RTN1: variants seen among roughly 807,000 people sequenced by gnomAD.
RTN1 encodes the protein reticulon-1.
A neutral mutation model predicts 65.5 loss-of-function variants in RTN1; 25 were observed. That is an observed-to-expected ratio of 0.38 (90% CI 0.28 to 0.53). The LOEUF (loss-of-function observed/expected upper bound fraction) is 0.53. Among genes scored for constraint, RTN1 ranks in the 20% least tolerant of loss-of-function variants. The pLI, the probability that RTN1 is intolerant of heterozygous loss-of-function variation, is 0.79. For synonymous variants in RTN1, 471 were observed against 447.6 expected, an observed-to-expected ratio of 1.05 and a Z score of -0.66; for missense variants, 983 against 1,025.4, an observed-to-expected ratio of 0.96 and a Z score of 0.57.
rs1369489992 is a variant in RTN1 at position 59,836,030 on chromosome 14, C to A, written c.241+34360G>T. 6.6e-6 allele frequency among the ~76,000 whole-genome samples: 1 copy of A among 152,138 alleles called. No homozygotes were observed. Among genetic ancestry groups the A allele is most frequent in the East Asian group, 1.9e-4 (1 of 5,192 alleles). On this transcript the variant is annotated intron_variant, in intron 1 of 8. Coordinates refer to ENST00000267484, the MANE Select transcript of RTN1 (RefSeq NM_021136.3). The surrounding 1 kb of genome is among the most constrained non-coding windows in gnomAD (Gnocchi z 4.9). ...GGTCCTTGGCTCTATTCTTCCCTCCCATCACTTCAATTCTGATTCCATCAT... is the reference window on the plus strand; with the variant it reads ...GGTCCTTGGCTCTATTCTTCCCTCCAATCACTTCAATTCTGATTCCATCAT...
chr14:59,674,678 CAT>C, intron 3 of RTN1, among the ~76,000 whole-genome samples: 1 of 152,168 alleles, frequency 6.6e-6, no homozygotes, highest in Middle Eastern at 3.4e-3. Flanking sequence ...TGTTATTCAA[CAT>C]ATTGAAAGAT....
intron 3 of RTN1, among the ~76,000 whole-genome samples, chr14:59,615,389 C>G (rs1020762946): frequency 6.6e-6 from 1 of 151,960 alleles, no homozygotes; most frequent in African/African-American, 2.4e-5. Context: ...GTGGAGGTTG[C>G]GATGAACAGA....
At chr14:59,654,845 A>G (rs1566674018) in intron 3 of RTN1, among the ~76,000 whole-genome samples, 1 of 152,220 alleles carries the variant, frequency 6.6e-6, no homozygotes, top group Non-Finnish European at 1.5e-5. Context: ...AAAAACACTC[A>G]TGGCAATTAT....
chr14:59,742,742 T>C (rs1345406130), intron 2 of RTN1, among the ~76,000 whole-genome samples: 1 of 152,196 alleles, frequency 6.6e-6, no homozygotes, highest in East Asian at 1.9e-4. Context: ...TGTAGAATTA[T>C]GTGCAGTTCT....
chr14:59,722,462 G>A (rs930592158), intron 3 of RTN1, among the ~76,000 whole-genome samples: 3 of 152,154 alleles, frequency 2.0e-5, no homozygotes, highest in Non-Finnish European at 4.4e-5. Flanking sequence ...AGAGGAACTG[G>A]AAGGGTGGTA....
At chr14:59,866,756 AAAAG>A (rs1393978059) in intron 1 of RTN1, among the ~76,000 whole-genome samples, 1 of 152,164 alleles carries the variant, frequency 6.6e-6, no homozygotes, top group Non-Finnish European at 1.5e-5. Flanking sequence ...TAGCTTTCTC[AAAAG>A]AAAGAAGATG....
chr14:59,726,888 T>C, intron 3 of RTN1, 31 bp downstream of exon 3: 1 of 1,580,560 alleles, frequency 6.3e-7, no homozygotes, highest in Non-Finnish European at 8.6e-7. Context: ...GGGAGGACAC[T>C]AACCAAGCAT....
At chr14:59,646,495 C>A (rs1411239556) in intron 3 of RTN1, among the ~76,000 whole-genome samples, 1 of 152,084 alleles carries the variant, frequency 6.6e-6, no homozygotes, top group Non-Finnish European at 1.5e-5. Flanking sequence ...AATATCATCA[C>A]CAAGATACAC....
chr14:59,642,341 G>A (rs1358743174), intron 3 of RTN1, among the ~76,000 whole-genome samples: 1 of 152,054 alleles, frequency 6.6e-6, no homozygotes, highest in Non-Finnish European at 1.5e-5. Context: ...TCTTAAATCT[G>A]TGGATTGATG....
chr14:59,754,351 A>G (rs1365685697), intron 1 of RTN1, among the ~76,000 whole-genome samples: 1 of 152,216 alleles, frequency 6.6e-6, no homozygotes, highest in African/African-American at 2.4e-5. Context: ...TAGGATGACA[A>G]CGATGACTTG....
intron 3 of RTN1, among the ~76,000 whole-genome samples, chr14:59,722,068 C>T (rs905605713): frequency 3.9e-5 from 6 of 152,072 alleles, no homozygotes; most frequent in Non-Finnish European, 8.8e-5. Flanking sequence ...TTTTGCCCAC[C>T]TGCTATAGCA....
chr14:59,810,191 C>A (rs146153974), intron 1 of RTN1, among the ~76,000 whole-genome samples: 2 of 152,244 alleles, frequency 1.3e-5, no homozygotes, highest in Admixed American at 1.3e-4. Flanking sequence ...CCTTTCCAGG[C>A]AAAAGGCAGG....
At chr14:59,808,482 A>G (rs1256762354) in intron 1 of RTN1, among the ~76,000 whole-genome samples, 1 of 152,194 alleles carries the variant, frequency 6.6e-6, no homozygotes, top group Non-Finnish European at 1.5e-5. Flanking sequence ...TGACAAGCAC[A>G]TTATTAATTG....
intron 1 of RTN1, among the ~76,000 whole-genome samples, chr14:59,858,599 T>C (rs1286666399): frequency 6.6e-6 from 1 of 152,120 alleles, no homozygotes; most frequent in East Asian, 1.9e-4. Context: ...TAACAGATTT[T>C]ACAAAAAATC....
chr14:59,781,051 T>C (rs1886146207), intron 1 of RTN1, among the ~76,000 whole-genome samples: 1 of 151,986 alleles, frequency 6.6e-6, no homozygotes, highest in African/African-American at 2.4e-5. Context: ...TCATAAAGAG[T>C]CCTTTTACTT....
intron 3 of RTN1, among the ~76,000 whole-genome samples, chr14:59,640,598 A>G (rs541867530): frequency 6.6e-6 from 1 of 152,286 alleles, no homozygotes; most frequent in Non-Finnish European, 1.5e-5. Flanking sequence ...TACAGGCGTG[A>G]GCCACCGTGC....
intron 1 of RTN1, among the ~76,000 whole-genome samples, chr14:59,781,649 A>G (rs1886158041): frequency 6.6e-6 from 1 of 152,106 alleles, no homozygotes; most frequent in Non-Finnish European, 1.5e-5. Flanking sequence ...AATAGTTTCC[A>G]TGTACCCTTC....
rs145464610 is a variant in RTN1, at chr14:59,785,039, T to A, written c.242-38558A>T. Among the ~76,000 whole-genome samples the A allele has an allele frequency of 3.3e-5, 5 of 152,354 alleles. 1 individual carries two copies. In the East Asian group the frequency reaches 9.6e-4, roughly 29 times the overall value. ...TTATTTCCAATTTAACTTGTTTTTA[T>A]AGATCCTACAACACTGTAGAGATGA... On this transcript the variant is annotated intron_variant, in intron 1 of 8. Transcript: ENST00000267484.
rs1886822820 is a variant in RTN1, at chr14:59,816,431, G to T, written c.241+53959C>A. Among the ~76,000 whole-genome samples, 1 of 152,122 alleles carries T rather than the reference G, an allele frequency of 6.6e-6. No homozygotes were observed. The highest frequency in any genetic ancestry group is 6.5e-5 in the Admixed American group (1 of 15,284). The stretch of plus-strand genomic sequence containing the variant: ...TTCTCCAATCCTCGGAGAGCTCCTA[G>T]GAAACAAGAATGGAATCCTCTTTAG... On this transcript the variant is annotated intron_variant, in intron 1 of 8. Transcript: ENST00000267484. This position sits in a 1 kb window ranked among gnomAD's most constrained non-coding sequence, Gnocchi z 4.3.
Sources: allele counts gnomAD v4.1 joint callset (sites outside exome capture counted in the v4.1 genomes callset), GRCh38; gene constraint gnomAD v4.1.1; non-coding constraint Gnocchi (gnomAD v3.1); transcripts MANE v1.5; gene names NCBI Gene and HGNC (gene_info 2026-07-23, HGNC 2026-07-21).